The following BCORL1 variants were observed in gnomAD, a reference collection of about 807,000 sequenced individuals.
BCORL1 encodes the protein BCL-6 corepressor-like protein 1.
In BCORL1, 7 loss-of-function variants were observed where a neutral mutation model predicts 87.6. That is an observed-to-expected ratio of 0.08 (90% confidence interval 0.05 to 0.15). The LOEUF is 0.15. Among genes scored for constraint, BCORL1 ranks in the 10% least tolerant of loss-of-function variants. The pLI is 1.00. For missense variants in BCORL1, 1,215 were observed against 1,499.7 expected, an observed-to-expected ratio of 0.81 and a Z score of 3.13; for synonymous variants, 591 against 634.4, an observed-to-expected ratio of 0.93 and a Z score of 1.03.
chrX:130,022,439 G>T lies in BCORL1; in HGVS notation c.3608-458G>T, dbSNP rs1338262874. On this transcript the variant is annotated intron_variant, in intron 5 of 13. Coordinates refer to ENST00000540052, the MANE Select transcript of BCORL1 (RefSeq NM_001379451.1). The stretch of plus-strand genomic sequence containing the variant: ...ATTTTTGTATTTTTAGTAGAGTCGG[G>T]GTTTCACCATGTTGGCCATGCTGGG... Among the ~76,000 whole-genome samples, 6 of 107,547 alleles carry T rather than the reference G, an allele frequency of 5.6e-5. No homozygotes were observed. In the East Asian group the frequency reaches 1.7e-3, roughly 31 times the overall value. 93.4% of individuals were successfully genotyped at this position (107,547 alleles called of 115,157 possible).
At chrX:129,996,326 A>AT (rs1160296556) in intron 1 of BCORL1, among the ~76,000 whole-genome samples, 2 of 111,484 alleles carry the variant, frequency 1.8e-5, no homozygotes, top group Non-Finnish European at 3.8e-5. Context: ...CGGCTCTTTC[A>AT]TTTTTTAAAG....
At chrX:130,055,352 C>T (rs1240796457) in intron 13 of BCORL1, among the ~76,000 whole-genome samples, 1 of 112,722 alleles carries the variant, frequency 8.9e-6, no homozygotes, top group Non-Finnish European at 1.9e-5. Flanking sequence ...CAGTTTAGGC[C>T]TTTCTCCACG....
chrX:130,035,703 G>C (rs1930896357), intron 9 of BCORL1, among the ~76,000 whole-genome samples: 1 of 112,175 alleles, frequency 8.9e-6, no homozygotes, highest in Non-Finnish European at 1.9e-5. Context: ...CAAAAATCAA[G>C]ACCAATCCCT....
At chrX:129,980,601 T>C (rs1390828050), upstream of BCORL1, among the ~76,000 whole-genome samples, 1 of 111,518 alleles carries the variant, frequency 9.0e-6, no homozygotes, top group African/African-American at 3.3e-5. Flanking sequence ...TTGGGCCGGC[T>C]CGGCGGGCGC....
At chrX:130,033,170 C>G (rs147479974) in intron 8 of BCORL1, among the ~76,000 whole-genome samples, 8 of 109,371 alleles carry the variant, frequency 7.3e-5, no homozygotes, top group East Asian at 2.8e-4. Flanking sequence ...CAACCTCCCC[C>G]TCCCGGGCTC....
chrX:129,983,053 G>C (rs1287644183), intron 1 of BCORL1, among the ~76,000 whole-genome samples: 10 of 109,155 alleles, frequency 9.2e-5, no homozygotes, highest in African/African-American at 2.7e-4. Flanking sequence ...CGTCCTCTTC[G>C]TGTCCCCGGA....
chrX:129,982,730 ACCG>A lies in BCORL1; in HGVS notation c.-64_-62del. The A allele has an allele frequency of 1.8e-5, 2 of 111,444 alleles. No homozygotes were observed. Among genetic ancestry groups the A allele is most frequent in the Non-Finnish European group, 1.9e-5 (1 of 52,824 alleles). 9.2% of individuals were successfully genotyped at this position (111,444 alleles called of 1,213,427 possible). On this transcript the variant is annotated 5_prime_UTR_variant, in exon 1 of 14. Transcript: ENST00000540052. The stretch of plus-strand genomic sequence containing the variant: ...TCTTCCTCTCAGTTCCTAGAGTCCG[ACCG>A]CCGCCGCCGCCGAGAGAGAGGAGAA...
At chrX:130,051,517 T>A (rs952399119) in intron 12 of BCORL1, among the ~76,000 whole-genome samples, 1 of 112,722 alleles carries the variant, frequency 8.9e-6, no homozygotes, top group Non-Finnish European at 1.9e-5. Flanking sequence ...GGACAGGTGT[T>A]TTTACCTTGC....
At chrX:130,022,741 C>G in intron 5 of BCORL1, among the ~76,000 whole-genome samples, 156 bp from the exon 6 acceptor site, 1 of 112,414 alleles carries the variant, frequency 8.9e-6, no homozygotes, top group South Asian at 3.6e-4. Flanking sequence ...GTGATGGCCA[C>G]GTAAGGGGAG....
Position 130,013,375 on chromosome X carries a change from C to T in BCORL1, c.603C>T (p.Ala201=). 1.7e-6 allele frequency: 2 copies of T among 1,210,861 alleles called. No individual in the cohort carries two copies. Among genetic ancestry groups the T allele is most frequent in the African/African-American group, 1.7e-5 (1 of 57,765 alleles). ...CCACTAACTTCAGTCCTCTGCCAGCCCCTATCTGTCCCCCTGCTCCCGGTT... is the reference window on the plus strand; with the variant it reads ...CCACTAACTTCAGTCCTCTGCCAGCTCCTATCTGTCCCCCTGCTCCCGGTT... ...LVTTNFSPLP[A]PICPPAPGSA... The change falls in exon 4 of 14, where the codon GCC becomes GCT. Residue 201 remains alanine (A), a synonymous_variant. Coordinates refer to ENST00000540052, the MANE Select transcript of BCORL1 (RefSeq NM_001379451.1).
intron 8 of BCORL1, among the ~76,000 whole-genome samples, chrX:130,029,795 C>T (rs1229990261): frequency 9.1e-6 from 1 of 109,346 alleles, no homozygotes. Flanking sequence ...GGATTACAGG[C>T]GCCCACCACC....
chrX:130,045,363 G>A (rs1192481875), intron 11 of BCORL1, among the ~76,000 whole-genome samples: 3 of 111,896 alleles, frequency 2.7e-5, no homozygotes, highest in East Asian at 2.8e-4. Flanking sequence ...GTAGTTTACC[G>A]CTTGAAGTCA....
At chrX:130,000,183 A>ACAGGCACCC (rs1927936115) in intron 1 of BCORL1, among the ~76,000 whole-genome samples, 3 of 109,430 alleles carry the variant, frequency 2.7e-5, no homozygotes, top group Non-Finnish European at 5.7e-5. Flanking sequence ...GTAGCTGGGA[A>ACAGGCACCC]TACAGGCACC....
intron 2 of BCORL1, among the ~76,000 whole-genome samples, chrX:130,006,655 G>A (rs184841276): frequency 0.02 from 2,203 of 110,320 alleles, 58 homozygotes; most frequent in African/African-American, 0.068. Context: ...CACCTTGCCC[G>A]GCCGTTTTTA....
At chrX:130,043,778 ATATATATTTTTTT>A (rs1278501176) in intron 11 of BCORL1, among the ~76,000 whole-genome samples, 1 of 21,880 alleles carries the variant, frequency 4.6e-5, no homozygotes, top group African/African-American at 3.4e-4. Context: ...ATATATATAT[ATATATATTTTTTT>A]TTTTTTTTTT....
Position 130,021,111 on chromosome X carries a change from T to C in BCORL1, c.3568T>C (p.Ser1190Pro). The C allele has an allele frequency of 8.3e-7, 1 of 1,198,346 alleles. No homozygotes were observed. Among genetic ancestry groups the C allele is most frequent in the Non-Finnish European group, 1.1e-6 (1 of 890,404 alleles). Residue 1190 changes from serine (S) to proline (P), a missense_variant, in exon 5 of 14, where the codon TCC becomes CCC. Coordinates refer to ENST00000540052, the MANE Select transcript of BCORL1 (RefSeq NM_001379451.1). ...GCACCGGAAGCCGACAAAGCCGGAG[T>C]CCCAGTCTCCAGGAAAACGAGCCGA... ...HKHRKPTKPE[S>P]QSPGKRADSH... is the part of the protein sequence containing the mutation.
At position 130,015,042 on chromosome X, in the gene BCORL1, G is replaced by A; in HGVS notation, c.2270G>A (p.Gly757Glu). Residue 757 changes from glycine (G) to glutamate (E), a missense_variant, in exon 4 of 14, where the codon GGA becomes GAA. Gly to Glu is a moderately conservative substitution (Grantham distance 98, BLOSUM62 -2). This residue lies in a region of BCORL1 where 861 missense variants were observed against 1,010.0 expected (regional missense o/e 0.85). Transcript: ENST00000540052. ...GAGCCCATCTCCATCATTGATCAAG[G>A]AGAGCCTAAGGGCACTGGTGCCACG... Reference protein sequence around the residue: ...KQEPISIIDQGEPKGTGATCG... With the variant: ...KQEPISIIDQEEPKGTGATCG... 1 of 1,211,945 alleles carries A rather than the reference G, an allele frequency of 8.3e-7. No individual in the cohort carries two copies. Among genetic ancestry groups the A allele is most frequent in the Non-Finnish European group, 1.1e-6 (1 of 895,580 alleles).
chrX:130,005,261 C>T lies in BCORL1; in HGVS notation c.30C>T (p.Gly10=), dbSNP rs906785824. 5.0e-6 allele frequency: 6 copies of T among 1,210,150 alleles called. No individual in the cohort carries two copies. The highest frequency in any genetic ancestry group is 3.5e-5 in the African/African-American group (2 of 57,264). MISTAPLYS[G]VHNWTSSDRI... ...TCTCTACAGCACCGCTCTACAGCGG[C>T]GTGCACAACTGGACCAGTTCTGACC... Residue 10 remains glycine (G), a synonymous_variant, in exon 2 of 14, where the codon GGC becomes GGT. Coordinates refer to ENST00000540052, the MANE Select transcript of BCORL1 (RefSeq NM_001379451.1).
chrX:130,015,251 C>G lies in BCORL1; in HGVS notation c.2479C>G (p.Gln827Glu). Residue 827 changes from glutamine (Q) to glutamate (E), a missense_variant, in exon 4 of 14, where the codon CAG becomes GAG. Around this residue, in one of 5 missense-constraint regions of BCORL1, gnomAD observed 861 missense variants for 1,010.0 expected, o/e 0.85. Transcript: ENST00000540052. ...AGTCAATGGGAAACCTACCAGCACC[C>G]AGGTCCTGCCTGTTGGCTGGTCCCC... is the stretch of plus-strand genomic sequence containing the variant. ...CSVNGKPTST[Q>E]VLPVGWSPYH... 4.1e-6 allele frequency: 5 copies of G among 1,212,130 alleles called. No homozygotes were observed. Among genetic ancestry groups the G allele is most frequent in the Non-Finnish European group, 5.6e-6 (5 of 895,645 alleles).
Sources: gnomAD v4.1 joint callset for allele counts (sites outside exome capture counted in the v4.1 genomes callset) on GRCh38, gnomAD v4.1.1 for gene constraint, gnomAD v4.1.1 regional missense constraint, MANE v1.5 for transcripts, NCBI Gene and HGNC (gene_info 2026-07-23, HGNC 2026-07-21) for gene names.